Variants in TAF4B observed in about 807,000 individuals in gnomAD.
TAF4B encodes the protein transcription initiation factor TFIID subunit 4B.
A neutral mutation model predicts 86.4 loss-of-function variants in TAF4B; 38 were observed. The ratio of observed to expected loss-of-function variants is 0.44; its 90% confidence interval spans 0.34 to 0.58. The LOEUF (loss-of-function observed/expected upper bound fraction) is 0.58, where lower values mean the gene tolerates loss of function less well. Among genes scored for constraint, TAF4B ranks in the 20% least tolerant of loss-of-function variants. The pLI is 0.02. For missense variants in TAF4B, 988 were observed against 1,027.6 expected, an observed-to-expected ratio of 0.96 and a Z score of 0.53; for synonymous variants, 388 against 391.2, an observed-to-expected ratio of 0.99 and a Z score of 0.10.
At chr18:26,321,327 C>A in intron 11 of TAF4B, 127 bp downstream of exon 11, 1 of 942,678 alleles carries the variant, frequency 1.1e-6, no homozygotes, top group Non-Finnish European at 1.5e-6. Context: ...AGTGGAAAAT[C>A]AAAGTCTCAT....
In TAF4B at chr18:26,362,611, A is replaced by G. The variant is rs755649398; in HGVS notation, c.2421+4817A>G. Among the ~76,000 whole-genome samples the G allele has an allele frequency of 3.0e-4, 46 of 152,220 alleles. 1 individual carries two copies. Among genetic ancestry groups the G allele is most frequent in the African/African-American group, 1.1e-3 (44 of 41,458 alleles). On this transcript the variant is annotated intron_variant, in intron 14 of 14. Transcript: ENST00000269142. Reference sequence around the variant, plus strand: ...GTTCAAAACAATGATAAAAACCATTATGTGATTTATCTACAATAAAATGCA... The same window carrying G: ...GTTCAAAACAATGATAAAAACCATTGTGTGATTTATCTACAATAAAATGCA...
chr18:26,380,409 C>T (rs1010908404), intron 14 of TAF4B, among the ~76,000 whole-genome samples: 1 of 152,132 alleles, frequency 6.6e-6, no homozygotes, highest in Non-Finnish European at 1.5e-5. Flanking sequence ...TTTTGACCTA[C>T]AGATTATTTA....
chr18:26,336,427 G>A (rs746839454), intron 13 of TAF4B, among the ~76,000 whole-genome samples: 66 of 152,134 alleles, frequency 4.3e-4, no homozygotes, highest in Non-Finnish European at 6.6e-4. Flanking sequence ...TGGAAATCTA[G>A]TAAGATTCTT....
At chr18:26,283,345 A>G (rs146815338) in intron 6 of TAF4B, among the ~76,000 whole-genome samples, 225 of 152,338 alleles carry the variant, frequency 1.5e-3, no homozygotes, top group African/African-American at 5.0e-3. Flanking sequence ...CAGGAAGACA[A>G]TAATGATCTC....
chr18:26,304,994 G>A (rs1187708223), intron 9 of TAF4B: 1 of 609,146 alleles, frequency 1.6e-6, no homozygotes, highest in African/African-American at 2.0e-5. Context: ...TACATTGTAA[G>A]TATTTTTCTC....
At chr18:26,354,111 T>A (rs2057267140) in intron 13 of TAF4B, among the ~76,000 whole-genome samples, 1 of 152,248 alleles carries the variant, frequency 6.6e-6, no homozygotes, top group Non-Finnish European at 1.5e-5. Flanking sequence ...AATCTCACTC[T>A]GTTGCCCAAG....
chr18:26,390,328 G>T lies in TAF4B; in HGVS notation c.*316G>T. On this transcript the variant is annotated 3_prime_UTR_variant, in exon 15 of 15. Transcript: ENST00000269142. ...CTGCCTCATTTGCCAAATTGTAGCA[G>T]GTGAGGTGTCCTTCCCTAATACAGC... 2 of 227,596 alleles carry T rather than the reference G, an allele frequency of 8.8e-6. No individual in the cohort carries two copies. The highest frequency in any genetic ancestry group is 1.7e-5 in the Non-Finnish European group (2 of 117,930). 14.1% of individuals were successfully genotyped at this position (227,596 alleles called of 1,614,324 possible).
Position 26,293,526 on chromosome 18 carries a change from C to T in TAF4B, c.1827C>T (p.Cys609=). 6.5e-7 allele frequency: 1 copy of T among 1,548,898 alleles called. No homozygotes were observed. The highest frequency in any genetic ancestry group is 8.7e-7 in the Non-Finnish European group (1 of 1,154,734). Residue 609 remains cysteine, a synonymous_variant, in exon 9 of 15, where the codon TGC becomes TGT. Coordinates refer to ENST00000269142, the MANE Select transcript of TAF4B (RefSeq NM_005640.3). ...GAATAAAAGAGAATGTAACATCATG[C>T]TTCCGGTAAGAAAATAAATAGTTAA... ...KNRIKENVTS[C]FRDEDDINDV...
intron 14 of TAF4B, among the ~76,000 whole-genome samples, chr18:26,376,021 A>G (rs1469923204): frequency 6.6e-6 from 1 of 152,162 alleles, no homozygotes; most frequent in Non-Finnish European, 1.5e-5. Context: ...TAGTAGATAT[A>G]TAGAATTATT....
chr18:26,352,625 A>T (rs2057254454), intron 13 of TAF4B, among the ~76,000 whole-genome samples: 1 of 151,982 alleles, frequency 6.6e-6, no homozygotes, highest in South Asian at 2.1e-4. Flanking sequence ...TGCCTCTTGG[A>T]CTCATGGGAT....
chr18:26,252,839 TTTA>T (rs2056026819), intron 1 of TAF4B, among the ~76,000 whole-genome samples: 1 of 150,712 alleles, frequency 6.6e-6, no homozygotes, highest in Non-Finnish European at 1.5e-5. Flanking sequence ...TTATATATAT[TTTA>T]TTATTAGTTA....
At chr18:26,233,169 A>G (rs564233336) in intron 1 of TAF4B, among the ~76,000 whole-genome samples, 224 of 152,288 alleles carry the variant, frequency 1.5e-3, no homozygotes, top group African/African-American at 5.1e-3. Context: ...TCATTTTCCC[A>G]TACTCCTAAA....
At chr18:26,232,600 C>T (rs1444681653) in intron 1 of TAF4B, among the ~76,000 whole-genome samples, 7 of 152,250 alleles carry the variant, frequency 4.6e-5, no homozygotes, top group Admixed American at 3.3e-4. Context: ...AGTTTGAAAG[C>T]CATTGTCTGA....
chr18:26,260,285 A>G (rs891799217), intron 1 of TAF4B, among the ~76,000 whole-genome samples: 46 of 152,178 alleles, frequency 3.0e-4, no homozygotes, highest in Non-Finnish European at 4.6e-4. Flanking sequence ...CTTTAGTTTA[A>G]TAAGATCCCA....
chr18:26,272,141 C>T (rs2056327586), intron 3 of TAF4B, among the ~76,000 whole-genome samples: 1 of 152,102 alleles, frequency 6.6e-6, no homozygotes, highest in Admixed American at 6.5e-5. Context: ...CTCCTCCTCC[C>T]AGTGGGCAGG....
intron 5 of TAF4B, among the ~76,000 whole-genome samples, chr18:26,278,943 A>G (rs1266255985): frequency 6.6e-6 from 1 of 151,844 alleles, no homozygotes; most frequent in Non-Finnish European, 1.5e-5. Context: ...AATGGGCAGA[A>G]GCTCGAACCA....
intron 7 of TAF4B, among the ~76,000 whole-genome samples, chr18:26,289,904 G>C (rs1457688154): frequency 6.6e-6 from 1 of 152,190 alleles, no homozygotes; most frequent in African/African-American, 2.4e-5. Context: ...GATGGGAAGT[G>C]ATGGGGATTG....
chr18:26,303,647 TTTCATACCCCCTCC>T (rs1344515738), intron 9 of TAF4B, among the ~76,000 whole-genome samples: 68 of 113,044 alleles, frequency 6.0e-4, no homozygotes, highest in South Asian at 3.8e-3. Context: ...CCCCCTCCAC[TTTCATACCCCCTCC>T]ACTTTCATAC....
At chr18:26,300,142 C>T (rs150233051) in intron 9 of TAF4B, among the ~76,000 whole-genome samples, 1,631 of 151,798 alleles carry the variant, frequency 0.011, 10 homozygotes, top group Non-Finnish European at 0.017. Flanking sequence ...TCACCATGCC[C>T]GGCTAATTTT....
Sources: allele counts gnomAD v4.1 joint callset (sites outside exome capture counted in the v4.1 genomes callset), GRCh38; gene constraint gnomAD v4.1.1; transcripts MANE v1.5; gene names NCBI Gene and HGNC (gene_info 2026-07-23, HGNC 2026-07-21).